The following BCAS2 variants were observed in gnomAD, a reference collection of about 807,000 sequenced individuals.
The protein encoded by BCAS2 is BCAS2 pre-mRNA processing factor.
Under a neutral mutation model 35.3 loss-of-function variants are expected in BCAS2, and 34 were observed. That is an observed-to-expected ratio of 0.96 (90% CI 0.73 to 1.28). BCAS2 has a LOEUF of 1.28. Ranked by LOEUF, BCAS2 falls within the 50% of genes most tolerant of loss-of-function variation. BCAS2 has a pLI of 0.00. For synonymous variants in BCAS2, 75 were observed against 91.6 expected (o/e 0.82, Z 1.03); for missense variants, 221 against 268.1 (o/e 0.82, Z 1.23).
At chr1:114,579,060 G>C (rs1654829302) in intron 2 of BCAS2, among the ~76,000 whole-genome samples, 1 of 152,168 alleles carries the variant, frequency 6.6e-6, no homozygotes, top group South Asian at 2.1e-4. Context: ...TGATTCACTT[G>C]AGGTCAGGAG....
At chr1:114,568,605 G>A (rs1014217076) in intron 6 of BCAS2, among the ~76,000 whole-genome samples, 14 of 151,660 alleles carry the variant, frequency 9.2e-5, no homozygotes, top group Non-Finnish European at 1.9e-4. Flanking sequence ...GACCCCAGGT[G>A]ATCCACCCAC....
At chr1:114,568,752 A>ATTT (rs1557929594) in intron 6 of BCAS2, among the ~76,000 whole-genome samples, 2 of 122,082 alleles carry the variant, frequency 1.6e-5, no homozygotes, top group Non-Finnish European at 1.7e-5. Context: ...ATCTCTCTGT[A>ATTT]TTCTTTTTTT....
chr1:114,570,176 A>C (rs1046831105), intron 5 of BCAS2, 104 bp from the exon 6 acceptor site: 1 of 792,470 alleles, frequency 1.3e-6, no homozygotes, highest in African/African-American at 1.7e-5. Flanking sequence ...TGAGAACAAT[A>C]TTATGTACAG....
At chr1:114,569,265 G>A (rs1405167823) in intron 6 of BCAS2, among the ~76,000 whole-genome samples, 2 of 151,970 alleles carry the variant, frequency 1.3e-5, no homozygotes, top group African/African-American at 2.4e-5. Context: ...GGGTACCAAC[G>A]AGACTGGTAA....
intron 4 of BCAS2, among the ~76,000 whole-genome samples, chr1:114,575,018 C>A (rs1256180829): frequency 6.6e-6 from 1 of 150,836 alleles, no homozygotes; most frequent in Non-Finnish European, 1.5e-5. Flanking sequence ...TACAGAAGCG[C>A]CACCATGGCC....
At chr1:114,572,501 C>T (rs1570736779) in intron 4 of BCAS2, among the ~76,000 whole-genome samples, 3 of 152,134 alleles carry the variant, frequency 2.0e-5, no homozygotes, top group East Asian at 3.9e-4. Context: ...TTGGAGGAGA[C>T]AAAATATGCT....
intron 4 of BCAS2, among the ~76,000 whole-genome samples, chr1:114,572,402 T>C (rs537780841): frequency 6.0e-4 from 91 of 152,340 alleles, no homozygotes; most frequent in South Asian, 3.3e-3. Flanking sequence ...CCTGAAAGTT[T>C]AGTTTGTCTT....
intron 2 of BCAS2, among the ~76,000 whole-genome samples, chr1:114,577,137 G>A (rs984722409): frequency 1.3e-5 from 2 of 152,182 alleles, no homozygotes; most frequent in African/African-American, 4.8e-5. Flanking sequence ...TCTTTAAGAG[G>A]TGATTGGGTT....
At chr1:114,576,239 C>A (rs1168078147) in intron 3 of BCAS2, among the ~76,000 whole-genome samples, 5 of 146,106 alleles carry the variant, frequency 3.4e-5, no homozygotes, top group African/African-American at 1.3e-4. Flanking sequence ...CTCTCTCTCT[C>A]TCTCTCTCTA....
intron 4 of BCAS2, among the ~76,000 whole-genome samples, chr1:114,573,456 C>T (rs1208104247): frequency 6.6e-6 from 1 of 152,056 alleles, no homozygotes; most frequent in East Asian, 1.9e-4. Flanking sequence ...TGGTCTCAAA[C>T]TCTTGGCCTC....
chr1:114,574,932 C>T (rs1162209842), intron 4 of BCAS2, among the ~76,000 whole-genome samples: 2 of 151,560 alleles, frequency 1.3e-5, no homozygotes, highest in East Asian at 3.9e-4. Flanking sequence ...TGCAGTGGCA[C>T]AATCTCAGCT....
intron 2 of BCAS2, among the ~76,000 whole-genome samples, chr1:114,579,256 C>G (rs1307878650): frequency 6.6e-6 from 1 of 151,762 alleles, no homozygotes. Context: ...GGCACCAGAG[C>G]AAGACTCTGT....
At chr1:114,572,071 A>C (rs543403692) in intron 4 of BCAS2, among the ~76,000 whole-genome samples, 5 of 152,214 alleles carry the variant, frequency 3.3e-5, no homozygotes, top group Non-Finnish European at 7.3e-5. Flanking sequence ...CAGTGGATCA[A>C]TCACCTACAG....
At chr1:114,577,892 T>A (rs887558266) in intron 2 of BCAS2, among the ~76,000 whole-genome samples, 1 of 152,232 alleles carries the variant, frequency 6.6e-6, no homozygotes, top group Non-Finnish European at 1.5e-5. Flanking sequence ...CCTGCATGAA[T>A]GTTTAAAAGT....
chr1:114,569,520 T>C (rs980536254), intron 6 of BCAS2, among the ~76,000 whole-genome samples: 11 of 151,474 alleles, frequency 7.3e-5, no homozygotes, highest in Admixed American at 3.3e-4. Context: ...TTTTTTTTTT[T>C]AAAGACTAGG....
At chr1:114,570,802 A>G in intron 4 of BCAS2, 52 bp from the exon 5 acceptor site, 1 of 1,301,254 alleles carries the variant, frequency 7.7e-7, no homozygotes, top group Non-Finnish European at 1.1e-6. Context: ...AGTACCAATT[A>G]AAAGTGAACT....
intron 6 of BCAS2, among the ~76,000 whole-genome samples, chr1:114,569,481 C>T (rs1654597303): frequency 6.6e-6 from 1 of 150,916 alleles, no homozygotes; most frequent in South Asian, 2.1e-4. Context: ...TCCCTCCCTA[C>T]AAGATTTTAT....
intron 3 of BCAS2, 150 bp from the exon 4 acceptor site, chr1:114,575,901 T>C (rs950205825): frequency 7.6e-6 from 6 of 793,938 alleles, no homozygotes; most frequent in Non-Finnish European, 9.4e-6. Flanking sequence ...AACCGATATA[T>C]GCTAACAATC....
intron 6 of BCAS2, 112 bp from the exon 7 acceptor site, chr1:114,568,368 CTT>C (rs71090789): frequency 3.9e-3 from 3,377 of 869,774 alleles, no homozygotes; most frequent in South Asian, 7.8e-3. Context: ...CTAACCTTCA[CTT>C]TTTTTTTTTT....
Sources: allele counts gnomAD v4.1 joint callset (sites outside exome capture counted in the v4.1 genomes callset), GRCh38; gene constraint gnomAD v4.1.1; transcripts MANE v1.5; gene names NCBI Gene and HGNC (gene_info 2026-07-23, HGNC 2026-07-21).